RBFOX1: variants seen among roughly 807,000 people sequenced by gnomAD.
The protein encoded by RBFOX1 is RNA binding fox-1 homolog 1, also known as RNA binding protein fox-1 homolog 1.
Under a neutral mutation model 57.7 loss-of-function variants are expected in RBFOX1, and 8 were observed. That is an observed-to-expected ratio of 0.14 (90% confidence interval 0.08 to 0.25). The LOEUF (loss-of-function observed/expected upper bound fraction) is 0.25, where lower values mean the gene tolerates loss of function less well. Among genes scored for constraint, RBFOX1 ranks in the 10% least tolerant of loss-of-function variants. The pLI, the probability that RBFOX1 is intolerant of heterozygous loss-of-function variation, is 1.00. For synonymous variants in RBFOX1, 326 were observed against 222.4 expected (o/e 1.47, Z -4.15); for missense variants, 611 against 548.5 (o/e 1.11, Z -1.14).
intron 2 of RBFOX1, among the ~76,000 whole-genome samples, chr16:6,373,942 A>G (rs572564181): frequency 1.3e-5 from 2 of 152,320 alleles, no homozygotes; most frequent in Admixed American, 6.5e-5. Context: ...CTGTGTGACT[A>G]TGACTTTCAG....
intron 11 of RBFOX1, among the ~76,000 whole-genome samples, chr16:7,642,650 T>TA (rs1199049776): frequency 6.6e-6 from 1 of 152,222 alleles, no homozygotes; most frequent in African/African-American, 2.4e-5. Flanking sequence ...CTTCAGTATG[T>TA]ATATGCACTG....
chr16:7,082,400 G>A (rs1207568485), intron 4 of RBFOX1, among the ~76,000 whole-genome samples: 3 of 151,886 alleles, frequency 2.0e-5, no homozygotes, highest in Non-Finnish European at 1.5e-5. Context: ...GGGAAACATG[G>A]CACAACCCTG....
At chr16:6,218,624 T>C (rs1017144716) in intron 1 of RBFOX1, among the ~76,000 whole-genome samples, 2 of 152,110 alleles carry the variant, frequency 1.3e-5, no homozygotes, top group African/African-American at 4.8e-5. Flanking sequence ...AAAGTCTTTC[T>C]CTTGTTTTTA....
At chr16:6,481,268 T>A (rs2095367119) in intron 2 of RBFOX1, among the ~76,000 whole-genome samples, 1 of 152,174 alleles carries the variant, frequency 6.6e-6, no homozygotes, top group South Asian at 2.1e-4. Flanking sequence ...CAGCTGTAAA[T>A]GTGGGCCTTC....
At chr16:6,939,668 T>C (rs902902029) in intron 3 of RBFOX1, among the ~76,000 whole-genome samples, 1 of 151,980 alleles carries the variant, frequency 6.6e-6, no homozygotes, top group Non-Finnish European at 1.5e-5. Flanking sequence ...TGTGCTACCA[T>C]ACCCAGCTAA....
chr16:6,620,596 A>G (rs1219062750), intron 2 of RBFOX1, among the ~76,000 whole-genome samples: 1 of 152,186 alleles, frequency 6.6e-6, no homozygotes, highest in Non-Finnish European at 1.5e-5. Context: ...ACAACAAAAC[A>G]AACGATTAGC....
intron 3 of RBFOX1, among the ~76,000 whole-genome samples, chr16:5,839,943 G>A (rs563427681): frequency 1.4e-4 from 22 of 152,318 alleles, no homozygotes; most frequent in African/African-American, 4.8e-4. Context: ...AGACAAAGAA[G>A]AAGGTGAGTT....
At chr16:7,466,729 C>G (rs2060590152) in intron 4 of RBFOX1, among the ~76,000 whole-genome samples, 1 of 152,132 alleles carries the variant, frequency 6.6e-6, no homozygotes. Context: ...GTGATGATGC[C>G]CAGGTATCCA....
intron 2 of RBFOX1, among the ~76,000 whole-genome samples, chr16:5,510,894 G>A (rs145501946): frequency 5.9e-5 from 9 of 152,096 alleles, no homozygotes; most frequent in African/African-American, 1.7e-4. Context: ...CTATGGCCAC[G>A]TATCCCCAGG....
intron 4 of RBFOX1, among the ~76,000 whole-genome samples, chr16:6,004,805 C>G (rs1265761252): frequency 6.6e-6 from 1 of 152,162 alleles, no homozygotes; most frequent in East Asian, 1.9e-4. Flanking sequence ...CAGTGTAAAT[C>G]ATTCCATCTG....
At chr16:7,141,817 C>G (rs998805806) in intron 4 of RBFOX1, among the ~76,000 whole-genome samples, 4 of 152,118 alleles carry the variant, frequency 2.6e-5, no homozygotes, top group African/African-American at 9.7e-5. Context: ...ACGACCGCAC[C>G]AGCCTTCTGA....
At chr16:6,864,000 T>TG (rs1409986803) in intron 3 of RBFOX1, among the ~76,000 whole-genome samples, 2 of 151,128 alleles carry the variant, frequency 1.3e-5, no homozygotes, top group African/African-American at 4.9e-5. Context: ...TTTTTTTTTT[T>TG]TTTTGTTGAG....
chr16:5,696,563 T>C (rs1316574498), intron 3 of RBFOX1, among the ~76,000 whole-genome samples: 1 of 152,262 alleles, frequency 6.6e-6, no homozygotes, highest in African/African-American at 2.4e-5. Context: ...CGCATATTTC[T>C]AAAACCATCT....
rs372574450 is a variant in RBFOX1, at chr16:6,957,008, TAAGAA to T, written c.-15-95047_-15-95043del. 8.8e-3 allele frequency among the ~76,000 whole-genome samples: 1,335 copies of T among 151,986 alleles called. 19 individuals are homozygous for T. Among genetic ancestry groups the T allele is most frequent in the African/African-American group, 0.031 (1,277 of 41,286 alleles). On this transcript the variant is annotated intron_variant, in intron 3 of 15. Coordinates refer to ENST00000550418, the MANE Select transcript of RBFOX1 (RefSeq NM_018723.4). ...CAGAGTAAAGTGAAAGCAAGTTTAT[TAAGAA>T]AGGAAAGAAATAAAAGAATAGGCAT...
At chr16:7,514,898 T>G (rs1440096123) in intron 4 of RBFOX1, among the ~76,000 whole-genome samples, 1 of 152,208 alleles carries the variant, frequency 6.6e-6, no homozygotes, top group East Asian at 1.9e-4. Flanking sequence ...TTATATATGT[T>G]CCTGGTGAAA....
intron 4 of RBFOX1, among the ~76,000 whole-genome samples, chr16:5,982,550 A>G (rs1040870680): frequency 1.3e-5 from 2 of 152,098 alleles, no homozygotes; most frequent in African/African-American, 2.4e-5. Context: ...TGCTGGGATT[A>G]CAGGCGTGAG....
chr16:7,636,248 C>T (rs2061737355), intron 11 of RBFOX1, among the ~76,000 whole-genome samples: 1 of 152,258 alleles, frequency 6.6e-6, no homozygotes. Context: ...TGCTTGCCAG[C>T]ACTGCCATGT....
chr16:7,323,085 G>C (rs1214859571), intron 4 of RBFOX1, among the ~76,000 whole-genome samples: 3 of 152,086 alleles, frequency 2.0e-5, no homozygotes, highest in Non-Finnish European at 2.9e-5. Context: ...TTGACTAAGG[G>C]GTGGAGAGTA....
chr16:5,496,605 C>T (rs146311858), intron 2 of RBFOX1, among the ~76,000 whole-genome samples: 691 of 152,204 alleles, frequency 4.5e-3, no homozygotes, highest in Non-Finnish European at 5.7e-3. Flanking sequence ...TCACAGATGT[C>T]GGCCACAGGG....
Sources: allele counts gnomAD v4.1 joint callset (sites outside exome capture counted in the v4.1 genomes callset), GRCh38; gene constraint gnomAD v4.1.1; transcripts MANE v1.5; gene names NCBI Gene and HGNC (gene_info 2026-07-23, HGNC 2026-07-21).